CYP4A22: variants seen among roughly 807,000 people sequenced by gnomAD.
CYP4A22 encodes the protein cytochrome P450 4A22.
CYP4A22 carries 46 observed loss-of-function variants against 56.2 expected under a neutral mutation model. The ratio of observed to expected loss-of-function variants is 0.82; its 90% confidence interval spans 0.65 to 1.05. The LOEUF is 1.05. Ranked by LOEUF, CYP4A22 falls within the 50% of genes least tolerant of loss-of-function variation. CYP4A22 has a pLI of 0.00. For missense variants in CYP4A22, 541 were observed against 645.9 expected (o/e 0.84, Z 1.76); for synonymous variants, 193 against 251.1 (o/e 0.77, Z 2.19).
intron 1 of CYP4A22, among the ~76,000 whole-genome samples, chr1:47,139,516 C>G (rs1443048755): frequency 6.6e-6 from 1 of 152,202 alleles, no homozygotes; most frequent in Non-Finnish European, 1.5e-5. Flanking sequence ...CCCTACTGCA[C>G]AGCCTCTAAT....
Position 47,149,577 on chromosome 1 carries a change from T to A in CYP4A22, c.*780T>A, listed in dbSNP as rs1645109769. On this transcript the variant is annotated 3_prime_UTR_variant, in exon 12 of 12. Coordinates refer to ENST00000371891, the MANE Select transcript of CYP4A22 (RefSeq NM_001010969.4). The stretch of plus-strand genomic sequence containing the variant: ...CCCCACAACCTGGTGTTGGGTCCGA[T>A]AACCCCAACATCCCTGAATCTCCAC... 3 of 150,674 alleles carry A rather than the reference T, an allele frequency of 2.0e-5. No homozygotes were observed. Among genetic ancestry groups the A allele is most frequent in the Non-Finnish European group, 3.0e-5 (2 of 67,558 alleles). The allele number at this position is 150,674 out of a possible 1,614,324, so 9.3% of individuals were successfully genotyped here.
chr1:47,144,376 G>T lies in CYP4A22; in HGVS notation c.810G>T (p.Arg270Ser). The T allele has an allele frequency of 6.2e-7, 1 of 1,613,980 alleles. No individual in the cohort carries two copies. The highest frequency in any genetic ancestry group is 8.5e-7 in the Non-Finnish European group (1 of 1,179,846). The change falls in exon 7 of 12, where the codon AGG becomes AGT. Residue 270 changes from arginine to serine, a missense_variant. This residue lies in a region of CYP4A22 where 335 missense variants were observed against 361.2 expected (regional missense o/e 0.93). Transcript: ENST00000371891. ...HQHTDQVIQL[R>S]KAQLQKEGEL... ...GTACAGACCAAGTGATCCAACTGAG[G>T]AAGGCTCAACTACAGAAGGAGGGGG...
At position 47,146,161 on chromosome 1, in the gene CYP4A22, G is replaced by A. The variant is rs779649684; in HGVS notation, c.1364+8G>A. ...CTTCTCAGGAGGATCAAGGTGAGAC[G>A]TCCTGTGTGGTAATTGGAATAGAGA... is the stretch of plus-strand genomic sequence containing the variant. On this transcript the variant is annotated splice_region_variant and intron_variant, in intron 11 of 11. Transcript: ENST00000371891. The A allele has an allele frequency of 1.9e-5, 31 of 1,614,030 alleles. No homozygotes were observed. The highest frequency in any genetic ancestry group is 1.8e-4 in the East Asian group (8 of 44,894).
At chr1:47,145,755 C>A in intron 9 of CYP4A22, 111 bp from the exon 10 acceptor site, 2 of 1,469,688 alleles carry the variant, frequency 1.4e-6, no homozygotes, top group East Asian at 2.3e-5. Flanking sequence ...GTCAAAGTGA[C>A]AATTTATAGA....
At chr1:47,147,327 T>C in intron 11 of CYP4A22, 1 of 985,386 alleles carries the variant, frequency 1.0e-6, no homozygotes, top group Non-Finnish European at 1.2e-6. Flanking sequence ...ACTAATATTT[T>C]ACTCTCAGTG....
intron 11 of CYP4A22, 133 bp from the exon 12 acceptor site, chr1:47,148,469 A>G: frequency 7.9e-7 from 1 of 1,261,198 alleles, no homozygotes; most frequent in Non-Finnish European, 1.1e-6. Context: ...GTGGGCTGTA[A>G]GTGTGCAGGG....
At chr1:47,140,943 A>T in intron 2 of CYP4A22, 22 bp downstream of exon 2, 1 of 1,612,732 alleles carries the variant, frequency 6.2e-7, no homozygotes, top group Non-Finnish European at 8.5e-7. Context: ...CCCCCATCCC[A>T]ACTGCAATTT....
chr1:47,145,508 C>A (rs558150870), intron 9 of CYP4A22, among the ~76,000 whole-genome samples: 1 of 152,344 alleles, frequency 6.6e-6, no homozygotes, highest in African/African-American at 2.4e-5. Context: ...CCCCTGAAAA[C>A]TGAGAGCAAA....
At chr1:47,146,033 G>A in intron 10 of CYP4A22, 44 bp from the exon 11 acceptor site, 5 of 1,614,170 alleles carry the variant, frequency 3.1e-6, no homozygotes, top group Non-Finnish European at 3.4e-6. Context: ...TGGCAAGTAG[G>A]TGCTGGATCC....
At chr1:47,138,524 C>G (rs1384905971) in intron 1 of CYP4A22, among the ~76,000 whole-genome samples, 1 of 152,214 alleles carries the variant, frequency 6.6e-6, no homozygotes, top group Non-Finnish European at 1.5e-5. Flanking sequence ...ATAGAGCAAG[C>G]TTGTCCAACC....
At chr1:47,146,545 C>G in intron 11 of CYP4A22, 1 of 1,096,852 alleles carries the variant, frequency 9.1e-7, no homozygotes, top group South Asian at 2.7e-5. Context: ...ATTTCTCTCT[C>G]CCCACACATC....
In CYP4A22 at chr1:47,145,949, G is replaced by A; in HGVS notation, c.1287+19G>A. 6.2e-7 allele frequency: 1 copy of A among 1,614,106 alleles called. No individual in the cohort carries two copies. Among genetic ancestry groups the A allele is most frequent in the Non-Finnish European group, 8.5e-7 (1 of 1,180,012 alleles). ...CCTAGAGGTATGTGGTCCTTGAGAG[G>A]AGGAAATGGGGTGATCTCTCAAGAC... On this transcript the variant is annotated intron_variant, in intron 10 of 11. Transcript: ENST00000371891.
chr1:47,146,003 G>C, intron 10 of CYP4A22, 73 bp downstream of exon 10: 24 of 1,614,038 alleles, frequency 1.5e-5, no homozygotes, highest in Non-Finnish European at 1.9e-5. Context: ...CCACCTCTGG[G>C]AGTACTGTAC....
intron 3 of CYP4A22, 77 bp downstream of exon 3, chr1:47,141,692 G>T: frequency 1.9e-6 from 3 of 1,551,434 alleles, no homozygotes; most frequent in Non-Finnish European, 2.6e-6. Flanking sequence ...GAGAACAACA[G>T]ATTAGAGGCC....
At position 47,140,937 on chromosome 1, in the gene CYP4A22, C is replaced by T; in HGVS notation, c.337+16C>T. ...GGGAGATCAGGTGAGATCGAACCCCCATCCCAACTGCAATTTCTCTTCCCT... is the reference window on the plus strand; with the variant it reads ...GGGAGATCAGGTGAGATCGAACCCCTATCCCAACTGCAATTTCTCTTCCCT... On this transcript the variant is annotated intron_variant, in intron 2 of 11. Transcript: ENST00000371891. The T allele has an allele frequency of 1.9e-6, 3 of 1,612,956 alleles. No individual in the cohort carries two copies. In the South Asian group the frequency reaches 3.3e-5, roughly 18 times the overall value.
intron 11 of CYP4A22, among the ~76,000 whole-genome samples, chr1:47,147,784 T>G (rs977139703): frequency 1.3e-5 from 2 of 152,040 alleles, no homozygotes; most frequent in African/African-American, 4.8e-5. Context: ...AGGTAAAATG[T>G]GGGTGAGGCA....
chr1:47,145,065 G>T (rs1284170585), intron 9 of CYP4A22, 95 bp downstream of exon 9: 4 of 1,533,318 alleles, frequency 2.6e-6, no homozygotes, highest in South Asian at 1.3e-5. Flanking sequence ...CACATCTCTG[G>T]GTCTCCCTTT....
At chr1:47,145,834 G>A (rs375267118) in intron 9 of CYP4A22, 32 bp from the exon 10 acceptor site, 87 of 1,613,322 alleles carry the variant, frequency 5.4e-5, no homozygotes, top group Non-Finnish European at 6.4e-5. Flanking sequence ...GCAAATGATC[G>A]GTCTTCTCTC....
At position 47,146,124 on chromosome 1, in the gene CYP4A22, C is replaced by T. The variant is rs753957494; in HGVS notation, c.1335C>T (p.His445=). 8.7e-6 allele frequency: 14 copies of T among 1,614,062 alleles called. No homozygotes were observed. The highest frequency in any genetic ancestry group is 1.6e-4 in the Middle Eastern group (1 of 6,082). ...RFAPGSAQHS[H]AFLPFSGGSR... is the part of the protein sequence containing the mutation. ...CACCGGGTTCTGCTCAACACAGCCA[C>T]GCTTTCCTGCCCTTCTCAGGAGGAT... The change falls in exon 11 of 12, where the codon CAC becomes CAT. Residue 445 remains histidine, a synonymous_variant. Transcript: ENST00000371891.
Sources: gnomAD v4.1 joint callset for allele counts (sites outside exome capture counted in the v4.1 genomes callset) on GRCh38, gnomAD v4.1.1 for gene constraint, gnomAD v4.1.1 regional missense constraint, MANE v1.5 for transcripts, NCBI Gene and HGNC (gene_info 2026-07-23, HGNC 2026-07-21) for gene names.